PILRA: variants seen among roughly 807,000 people sequenced by gnomAD.
PILRA encodes paired immunoglobulin-like type 2 receptor alpha.
PILRA carries 37 observed loss-of-function variants against 33.1 expected under a neutral mutation model. That is an observed-to-expected ratio of 1.12 (90% CI 0.86 to 1.47). The LOEUF (loss-of-function observed/expected upper bound fraction) is 1.47, where lower values mean the gene tolerates loss of function less well. PILRA is among the 40% of genes most tolerant of loss of function. PILRA has a pLI of 0.00. For synonymous variants in PILRA, 146 were observed against 149.9 expected (o/e 0.97, Z 0.19); for missense variants, 312 against 376.2 (o/e 0.83, Z 1.41).
chr7:100,393,560 A>T (rs776315403), intron 3 of PILRA, among the ~76,000 whole-genome samples: 20 of 152,194 alleles, frequency 1.3e-4, no homozygotes, highest in Non-Finnish European at 2.6e-4. Flanking sequence ...TTGGTCAGGA[A>T]TTGTTGTCAG....
At chr7:100,389,190 GATTAAC>G (rs1286515079) in intron 2 of PILRA, among the ~76,000 whole-genome samples, 2 of 152,122 alleles carry the variant, frequency 1.3e-5, no homozygotes, top group East Asian at 1.9e-4. Context: ...ATTCATCTGT[GATTAAC>G]ATTTTTGGGA....
At chr7:100,372,330 G>A (rs1790835914), upstream of PILRA, among the ~76,000 whole-genome samples, 1 of 152,142 alleles carries the variant, frequency 6.6e-6, no homozygotes, top group Admixed American at 6.5e-5. Flanking sequence ...CTGGCCCTGG[G>A]AAGCACAGAG....
chr7:100,376,047 G>A (rs1790939615), intron 2 of PILRA: 1 of 152,208 alleles, frequency 6.6e-6, no homozygotes, highest in Non-Finnish European at 1.5e-5. Flanking sequence ...CTTTGGCCAG[G>A]TGGGTTTGTT....
chr7:100,373,355 A>C (rs1030161639), upstream of PILRA: 1 of 548,526 alleles, frequency 1.8e-6, no homozygotes, highest in Non-Finnish European at 3.3e-6. Context: ...CAGCCCCCCA[A>C]GGTCAGGCCC....
At chr7:100,373,042 G>A (rs1790856211), upstream of PILRA, among the ~76,000 whole-genome samples, 3 of 152,082 alleles carry the variant, frequency 2.0e-5, no homozygotes, top group East Asian at 5.8e-4. Context: ...GGCCAGCTGG[G>A]TCGTGGTGGT....
At chr7:100,391,479 G>A (rs1332148549) in intron 3 of PILRA, among the ~76,000 whole-genome samples, 4 of 152,100 alleles carry the variant, frequency 2.6e-5, no homozygotes, top group Non-Finnish European at 5.9e-5. Flanking sequence ...TTGAGCCAAG[G>A]AGTTCAAGAC....
chr7:100,397,621 G>T (rs1043568732), intron 3 of PILRA, among the ~76,000 whole-genome samples: 13 of 152,106 alleles, frequency 8.5e-5, no homozygotes, highest in Non-Finnish European at 1.6e-4. Context: ...TGAGCAGAGA[G>T]CTCAAGAGAG....
chr7:100,391,185 ATTAT>A (rs1791384105), intron 3 of PILRA, among the ~76,000 whole-genome samples: 1 of 134,132 alleles, frequency 7.5e-6, no homozygotes, highest in African/African-American at 3.3e-5. Flanking sequence ...AATAATAATA[ATTAT>A]TATTATTATT....
At chr7:100,384,752 C>G (rs1165184624) in intron 2 of PILRA, among the ~76,000 whole-genome samples, 1 of 152,084 alleles carries the variant, frequency 6.6e-6, no homozygotes, top group African/African-American at 2.4e-5. Context: ...TGCACTATTG[C>G]GTTCCAGCTT....
intron 2 of PILRA, among the ~76,000 whole-genome samples, chr7:100,377,231 C>CTTTTTTTTTTTTTTTTTTTTT (rs761225046): frequency 9.9e-6 from 1 of 100,930 alleles, no homozygotes; most frequent in Non-Finnish European, 2.0e-5. Context: ...TTTTCTATTT[C>CTTTTTTTTTTTTTTTTTTTTT]TTTTTTTTTT....
At chr7:100,392,156 A>C (rs975017741) in intron 3 of PILRA, among the ~76,000 whole-genome samples, 13 of 152,170 alleles carry the variant, frequency 8.5e-5, no homozygotes, top group African/African-American at 2.9e-4. Flanking sequence ...TAAAAATACA[A>C]AACTTAGCCA....
At chr7:100,393,141 A>G (rs577141826) in intron 3 of PILRA, among the ~76,000 whole-genome samples, 29 of 152,266 alleles carry the variant, frequency 1.9e-4, no homozygotes, top group Admixed American at 1.9e-3. Flanking sequence ...TTAGCTGTGC[A>G]TGGTGATGCG....
upstream of PILRA, among the ~76,000 whole-genome samples, chr7:100,371,637 C>G (rs1790815945): frequency 6.6e-6 from 1 of 152,200 alleles, no homozygotes; most frequent in African/African-American, 2.4e-5. Flanking sequence ...CACGCCTCTC[C>G]CATGAGCACC....
chr7:100,381,231 A>T (rs1584216009), intron 2 of PILRA, among the ~76,000 whole-genome samples: 1 of 152,274 alleles, frequency 6.6e-6, no homozygotes, highest in East Asian at 1.9e-4. Flanking sequence ...GCGCCACTGC[A>T]CTCCAGCCTG....
chr7:100,398,864 G>T (rs1791556006), intron 4 of PILRA, among the ~76,000 whole-genome samples: 2 of 152,072 alleles, frequency 1.3e-5, no homozygotes, highest in Non-Finnish European at 2.9e-5. Context: ...CACCCATCCT[G>T]AGCAGGGTGG....
At chr7:100,376,679 C>G (rs1790956508) in intron 2 of PILRA, among the ~76,000 whole-genome samples, 1 of 150,682 alleles carries the variant, frequency 6.6e-6, no homozygotes, top group Non-Finnish European at 1.5e-5. Context: ...CCAGGCTGCT[C>G]TCGAACTCCT....
At chr7:100,397,573 G>A (rs1791526104) in intron 3 of PILRA, among the ~76,000 whole-genome samples, 1 of 152,120 alleles carries the variant, frequency 6.6e-6, no homozygotes, top group Non-Finnish European at 1.5e-5. Context: ...AGAAGTGACT[G>A]GGCGAGGGCT....
At chr7:100,376,116 T>C (rs1004443145) in intron 2 of PILRA, 10 of 152,320 alleles carry the variant, frequency 6.6e-5, no homozygotes, top group Admixed American at 4.6e-4. Flanking sequence ...TACTCTTCCC[T>C]GCAGGGACCT....
Position 100,374,296 on chromosome 7 carries a change from A to G in PILRA, c.317A>G (p.Lys106Arg). The G allele has an allele frequency of 5.0e-6, 8 of 1,614,152 alleles. No homozygotes were observed. Among genetic ancestry groups the G allele is most frequent in the Non-Finnish European group, 6.8e-6 (8 of 1,179,994 alleles). ...RLFLNWTEGQKSGFLRISNLQ... is the reference protein window; with the variant it reads ...RLFLNWTEGQRSGFLRISNLQ... The stretch of plus-strand genomic sequence containing the variant: ...TTTCTGAACTGGACAGAGGGTCAGA[A>G]GAGCGGCTTCCTCAGGATCTCCAAC... The change falls in exon 2 of 7, where the codon AAG becomes AGG. Residue 106 changes from lysine to arginine, a missense_variant. By Grantham distance (26) the Lys-to-Arg change is conservative. Transcript: ENST00000198536.
Sources: allele counts gnomAD v4.1 joint callset (sites outside exome capture counted in the v4.1 genomes callset), GRCh38; gene constraint gnomAD v4.1.1; transcripts MANE v1.5; gene names NCBI Gene and HGNC (gene_info 2026-07-23, HGNC 2026-07-21).